Variants in PCDHGB2 observed in about 807,000 individuals in gnomAD.
PCDHGB2 encodes the protein protocadherin gamma subfamily B, 2.
Under a neutral mutation model 59.3 loss-of-function variants are expected in PCDHGB2, and 55 were observed. The ratio of observed to expected loss-of-function variants is 0.93; its 90% CI spans 0.75 to 1.16. The LOEUF is 1.16. PCDHGB2 is among the 50% of genes most tolerant of loss of function. The probability of loss-of-function intolerance (pLI) is 0.00; values close to 1 mark genes in which losing one functional copy is unlikely to be tolerated. For missense variants in PCDHGB2, 1,228 were observed against 1,198.5 expected, an observed-to-expected ratio of 1.02 and a Z score of -0.36; for synonymous variants, 516 against 512.0, an observed-to-expected ratio of 1.01 and a Z score of -0.11.
chr5:141,423,777 T>A, intron 1 of PCDHGB2: 1 of 1,159,844 alleles, frequency 8.6e-7, no homozygotes, highest in Non-Finnish European at 1.1e-6. Flanking sequence ...GGCATATATT[T>A]AGTTCATATA....
At chr5:141,374,916 C>T in intron 1 of PCDHGB2, 2 of 1,613,924 alleles carry the variant, frequency 1.2e-6, no homozygotes, top group Non-Finnish European at 1.7e-6. Flanking sequence ...GGGGAAGTAA[C>T]TTATTCCTTT....
At chr5:141,484,899 T>G (rs1296997337) in intron 1 of PCDHGB2, 9 of 398,498 alleles carry the variant, frequency 2.3e-5, no homozygotes, top group Non-Finnish European at 3.1e-5. Flanking sequence ...TCCCCTCCAA[T>G]GCTGCGACGC....
intron 1 of PCDHGB2, among the ~76,000 whole-genome samples, chr5:141,467,903 C>G (rs1256664266): frequency 6.6e-6 from 1 of 152,156 alleles, no homozygotes. Context: ...AAGAAATCCG[C>G]CCACCTCAGC....
intron 1 of PCDHGB2, among the ~76,000 whole-genome samples, chr5:141,464,162 G>A (rs1030872607): frequency 6.6e-6 from 1 of 151,946 alleles, no homozygotes; most frequent in African/African-American, 2.4e-5. Context: ...CTACTTGGAA[G>A]GCTGAGGCAG....
At position 141,487,465 on chromosome 5, in the gene PCDHGB2, T is replaced by C. The variant is rs1354086784; in HGVS notation, c.2422-7342T>C. 1.9e-6 allele frequency: 3 copies of C among 1,614,194 alleles called. No individual in the cohort carries two copies. The highest frequency in any genetic ancestry group is 1.7e-6 in the Non-Finnish European group (2 of 1,180,020). Reference sequence around the variant, plus strand: ...CAGATGACCCTATCAAGTTTGTTGATGTGGGAGGCCACTCTCATGGCTGTA... The same window carrying C: ...CAGATGACCCTATCAAGTTTGTTGACGTGGGAGGCCACTCTCATGGCTGTA... On this transcript the variant is annotated intron_variant, in intron 1 of 3. Transcript: ENST00000522605. The surrounding 1 kb of genome is among the most constrained non-coding windows in gnomAD (Gnocchi z 5.0).
At chr5:141,505,336 G>T in intron 2 of PCDHGB2, 57 bp from the exon 3 acceptor site, 2 of 1,611,372 alleles carry the variant, frequency 1.2e-6, no homozygotes, top group Non-Finnish European at 1.7e-6. Context: ...GAGGACAGGA[G>T]GGGCATGAGC....
intron 1 of PCDHGB2, chr5:141,413,787 A>G (rs2095678061): frequency 6.2e-7 from 1 of 1,613,170 alleles, no homozygotes; most frequent in African/African-American, 1.3e-5. Flanking sequence ...AGCACTCCCT[A>G]GATCGCGAGG....
intron 1 of PCDHGB2, chr5:141,385,657 C>A: frequency 1.6e-6 from 1 of 611,856 alleles, no homozygotes; most frequent in Non-Finnish European, 2.2e-6. Context: ...ACAAGGTTAG[C>A]AGGAATAAAA....
rs375127524 is a variant in PCDHGB2, at chr5:141,490,702, C to G, written c.2422-4105C>G. ...AGATCCAGACACTGGGGATAATGCCCGCCTCACCTACTCCATTGTAGGAAA... is the reference window on the plus strand; with the variant it reads ...AGATCCAGACACTGGGGATAATGCCGGCCTCACCTACTCCATTGTAGGAAA... On this transcript the variant is annotated intron_variant, in intron 1 of 3. Coordinates refer to ENST00000522605, the MANE Select transcript of PCDHGB2 (RefSeq NM_018923.3). This position sits in a 1 kb window ranked among gnomAD's most constrained non-coding sequence, Gnocchi z 5.4. The G allele has an allele frequency of 1.2e-6, 2 of 1,614,060 alleles. No homozygotes were observed. Among genetic ancestry groups the G allele is most frequent in the Admixed American group, 1.7e-5 (1 of 60,008 alleles).
intron 1 of PCDHGB2, among the ~76,000 whole-genome samples, chr5:141,462,736 T>C (rs2099045667): frequency 6.6e-6 from 1 of 152,274 alleles, no homozygotes; most frequent in South Asian, 2.1e-4. Flanking sequence ...TTGTCACCTC[T>C]GTAATTCCTA....
At position 141,490,289 on chromosome 5, in the gene PCDHGB2, T is replaced by C; in HGVS notation, c.2422-4518T>C. ...GATGTCAATGACAATGCCCCAGAGG[T>C]GCTATTGGCCTCTTTGGCCAACCCT... On this transcript the variant is annotated intron_variant, in intron 1 of 3. Transcript: ENST00000522605. This position sits in a 1 kb window ranked among gnomAD's most constrained non-coding sequence, Gnocchi z 5.4. The C allele has an allele frequency of 1.2e-6, 2 of 1,614,096 alleles. No homozygotes were observed. The highest frequency in any genetic ancestry group is 1.7e-6 in the Non-Finnish European group (2 of 1,180,016).
intron 1 of PCDHGB2, chr5:141,400,024 G>C (rs2093943300): frequency 6.2e-7 from 1 of 1,612,894 alleles, no homozygotes; most frequent in Non-Finnish European, 8.5e-7. Flanking sequence ...CGACAGGGAC[G>C]CGGCCCGCCA....
intron 1 of PCDHGB2, chr5:141,377,300 T>A (rs929187277): frequency 3.3e-5 from 5 of 152,140 alleles, no homozygotes; most frequent in Admixed American, 2.6e-4. Flanking sequence ...TTTAGGTCAG[T>A]GTTAAAGATC....
rs1413611606 is a variant in PCDHGB2, at chr5:141,368,566, G to A, written c.2421+6010G>A. Among the ~76,000 whole-genome samples, 6 of 152,186 alleles carry A rather than the reference G, an allele frequency of 3.9e-5. No individual in the cohort carries two copies. The East Asian group carries it at 1.2e-3, about 29-fold the overall frequency. On this transcript the variant is annotated intron_variant, in intron 1 of 3. Coordinates refer to ENST00000522605, the MANE Select transcript of PCDHGB2 (RefSeq NM_018923.3). ...TTTTTTTTAAAAGAAAATGTTATATGCTTCTTAGGGTAAGGTGTTTGGGAA... is the reference window on the plus strand; with the variant it reads ...TTTTTTTTAAAAGAAAATGTTATATACTTCTTAGGGTAAGGTGTTTGGGAA...
At chr5:141,499,061 G>A (rs1300036203) in intron 2 of PCDHGB2, among the ~76,000 whole-genome samples, 1 of 151,914 alleles carries the variant, frequency 6.6e-6, no homozygotes, top group African/African-American at 2.4e-5. Flanking sequence ...AAATGAAGAA[G>A]ACTTACATTC....
intron 1 of PCDHGB2, among the ~76,000 whole-genome samples, chr5:141,466,121 CA>C (rs908379481): frequency 4.8e-5 from 7 of 146,852 alleles, no homozygotes; most frequent in Non-Finnish European, 6.0e-5. Context: ...GACTCCAGCT[CA>C]AAAAAAAAAT....
intron 1 of PCDHGB2, chr5:141,385,343 T>C: frequency 1.3e-6 from 2 of 1,568,526 alleles, no homozygotes; most frequent in Non-Finnish European, 1.7e-6. Flanking sequence ...GCCCTTCCTT[T>C]ATTTCCATGA....
intron 1 of PCDHGB2, among the ~76,000 whole-genome samples, chr5:141,463,025 T>G (rs2099051289): frequency 6.6e-6 from 1 of 152,202 alleles, no homozygotes; most frequent in Non-Finnish European, 1.5e-5. Flanking sequence ...ACTTTTTTGA[T>G]TAATCTGAGT....
intron 1 of PCDHGB2, chr5:141,413,855 C>A: frequency 3.7e-6 from 6 of 1,613,324 alleles, no homozygotes; most frequent in Non-Finnish European, 5.1e-6. Flanking sequence ...CCTCTCCGAT[C>A]TGGCACTGTC....
Sources: gnomAD v4.1 joint callset for allele counts (sites outside exome capture counted in the v4.1 genomes callset) on GRCh38, gnomAD v4.1.1 for gene constraint, Gnocchi (gnomAD v3.1) non-coding constraint, MANE v1.5 for transcripts, NCBI Gene and HGNC (gene_info 2026-07-23, HGNC 2026-07-21) for gene names.